Variants in MCF2 observed in about 807,000 individuals in gnomAD.
The protein encoded by MCF2 is proto-oncogene DBL.
In MCF2, 44 loss-of-function variants were observed where a neutral mutation model predicts 82.5. The ratio of observed to expected loss-of-function variants is 0.53; its 90% CI spans 0.42 to 0.69. The LOEUF (loss-of-function observed/expected upper bound fraction) is 0.69, where lower values mean the gene tolerates loss of function less well. Ranked by LOEUF, MCF2 falls within the 30% of genes least tolerant of loss-of-function variation. MCF2 has a pLI of 0.00. For synonymous variants in MCF2, 217 were observed against 224.9 expected (o/e 0.96, Z 0.32); for missense variants, 623 against 663.1 (o/e 0.94, Z 0.66).
chrX:139,644,823 A>T (rs1933744456), upstream of MCF2, among the ~76,000 whole-genome samples: 1 of 112,184 alleles, frequency 8.9e-6, no homozygotes, highest in Non-Finnish European at 1.9e-5. Flanking sequence ...AGTCTGATAG[A>T]GGAAGTTGGC....
chrX:139,640,703 A>G (rs1933510304), intron 1 of MCF2, among the ~76,000 whole-genome samples: 1 of 111,278 alleles, frequency 9.0e-6, no homozygotes, highest in Non-Finnish European at 1.9e-5. Context: ...TTTACTAGCT[A>G]AGGTTCAAAT....
At chrX:139,648,313 G>A (rs761262513) in intron 2 of MCF2, among the ~76,000 whole-genome samples, 156 of 110,415 alleles carry the variant, frequency 1.4e-3, no homozygotes, top group South Asian at 2.0e-3. Context: ...CAAAGGTTGC[G>A]GTGAGCCAAG....
At chrX:139,629,756 T>C (rs949488175) in exon 4 of MCF2, 2 of 1,205,555 alleles carry the variant, frequency 1.7e-6, no homozygotes, top group Admixed American at 2.2e-5. Context: ...GGGAATATCA[T>C]CTGGTAGTTC....
intron 1 of MCF2, among the ~76,000 whole-genome samples, chrX:139,676,758 T>TA (rs1934875169): frequency 1.8e-5 from 2 of 112,147 alleles, no homozygotes; most frequent in African/African-American, 6.5e-5. Flanking sequence ...GCCATTGTTA[T>TA]AAAGAAAAAA....
intron 10 of MCF2, among the ~76,000 whole-genome samples, chrX:139,612,380 T>G (rs942199141): frequency 9.0e-6 from 1 of 110,897 alleles, no homozygotes; most frequent in Admixed American, 9.6e-5. Context: ...AGATCCAGAT[T>G]TAGGAGCTCA....
At chrX:139,691,228 C>T (rs901712889) in intron 1 of MCF2, among the ~76,000 whole-genome samples, 1 of 111,467 alleles carries the variant, frequency 9.0e-6, no homozygotes, top group African/African-American at 3.3e-5. Flanking sequence ...TTTCTGGGTG[C>T]AAAGCCCAAG....
rs144027296 is a variant in MCF2, at chrX:139,589,180, G to T, written c.2370+655C>A. 9.6e-3 allele frequency among the ~76,000 whole-genome samples: 1,066 copies of T among 111,589 alleles called. 12 individuals carry two copies. Among genetic ancestry groups the T allele is most frequent in the African/African-American group, 0.033 (1,003 of 30,741 alleles). On this transcript the variant is annotated intron_variant, in intron 20 of 24. Transcript: ENST00000370576. Reference sequence around the variant, plus strand: ...TTAAATATCCTCCCATCACTTACAAGATGTTTGTTAAATGATACCAAATAT... The same window carrying T: ...TTAAATATCCTCCCATCACTTACAATATGTTTGTTAAATGATACCAAATAT...
At chrX:139,612,156 G>C (rs760807902) in intron 10 of MCF2, among the ~76,000 whole-genome samples, 1 of 110,295 alleles carries the variant, frequency 9.1e-6, no homozygotes, top group South Asian at 3.9e-4. Flanking sequence ...TAGAATTTTT[G>C]ATCAATTAGA....
At chrX:139,685,705 A>G (rs1448457485) in intron 1 of MCF2, among the ~76,000 whole-genome samples, 2 of 111,096 alleles carry the variant, frequency 1.8e-5, no homozygotes, top group East Asian at 5.7e-4. Context: ...TGCTACAATC[A>G]TACACCTAGA....
At chrX:139,648,180 T>C (rs1013633330) in intron 2 of MCF2, among the ~76,000 whole-genome samples, 1 of 111,010 alleles carries the variant, frequency 9.0e-6, no homozygotes, top group Non-Finnish European at 1.9e-5. Flanking sequence ...AAGACCAGCC[T>C]GGCCAACATG....
At chrX:139,640,996 T>G (rs191491523) in intron 1 of MCF2, among the ~76,000 whole-genome samples, 1 of 110,540 alleles carries the variant, frequency 9.0e-6, no homozygotes, top group African/African-American at 3.3e-5. Flanking sequence ...TTACCCTTTC[T>G]ATTAGATTGA....
intron 20 of MCF2, among the ~76,000 whole-genome samples, chrX:139,589,430 T>C (rs112481365): frequency 0.025 from 2,753 of 111,715 alleles, 41 homozygotes; most frequent in East Asian, 0.083. Flanking sequence ...GCTTTAACCA[T>C]GTTCTTTAGA....
At chrX:139,651,585 T>A (rs1934015716) in intron 2 of MCF2, 135 bp downstream of exon 2, 1 of 373,784 alleles carries the variant, frequency 2.7e-6, no homozygotes, top group East Asian at 4.1e-5. Context: ...AAATGTTTAT[T>A]GAAATAGTGC....
At chrX:139,666,499 A>G (rs956447012) in intron 1 of MCF2, among the ~76,000 whole-genome samples, 2 of 110,739 alleles carry the variant, frequency 1.8e-5, no homozygotes, top group African/African-American at 6.6e-5. Flanking sequence ...CTTGGCTGGT[A>G]TTTTTTTTCT....
At chrX:139,682,298 C>T (rs1935018259) in intron 1 of MCF2, among the ~76,000 whole-genome samples, 1 of 111,972 alleles carries the variant, frequency 8.9e-6, no homozygotes, top group African/African-American at 3.3e-5. Flanking sequence ...CTTCAGCCTT[C>T]CTTCAGATTA....
At chrX:139,677,272 T>C (rs5953551) in intron 1 of MCF2, among the ~76,000 whole-genome samples, 4,955 of 111,306 alleles carry the variant, frequency 0.045, 290 homozygotes, top group African/African-American at 0.15. Context: ...AAACACAAGA[T>C]CCCAGAAGCA....
Position 139,586,631 on chromosome X carries a change from T to A in MCF2, c.2523-144A>T, listed in dbSNP as rs938821184. 31 of 425,641 alleles carry A rather than the reference T, an allele frequency of 7.3e-5. No individual in the cohort carries two copies. The South Asian group carries it at 1.3e-3, about 18-fold the overall frequency. 35.1% of individuals were successfully genotyped at this position (425,641 alleles called of 1,213,427 possible). On this transcript the variant is annotated intron_variant, in intron 22 of 24. Transcript: ENST00000370576. ...AAACAGCCAATACTCCCTATTTAAA[T>A]CTGTGTGGCAATAGGTTATAATATA...
chrX:139,593,399 T>A (rs1470095369), intron 19 of MCF2, among the ~76,000 whole-genome samples: 22 of 111,111 alleles, frequency 2.0e-4, no homozygotes, highest in Non-Finnish European at 1.1e-4. Context: ...AATCAATAGC[T>A]TACCAACCAA....
chrX:139,685,825 A>G (rs1157277658), intron 1 of MCF2, among the ~76,000 whole-genome samples: 2 of 111,475 alleles, frequency 1.8e-5, no homozygotes, highest in East Asian at 5.6e-4. Flanking sequence ...CTTCAGGGCA[A>G]TATTATTGAT....
Sources: gnomAD v4.1 joint callset for allele counts (sites outside exome capture counted in the v4.1 genomes callset) on GRCh38, gnomAD v4.1.1 for gene constraint, MANE v1.5 for transcripts, NCBI Gene and HGNC (gene_info 2026-07-23, HGNC 2026-07-21) for gene names.